Variants in SLC36A4 observed in about 807,000 individuals in gnomAD.
The protein encoded by SLC36A4 is solute carrier family 36 member 4.
A neutral mutation model predicts 50.5 loss-of-function variants in SLC36A4; 49 were observed. The observed-to-expected ratio is 0.97, with a 90% CI of 0.77 to 1.23. The LOEUF is 1.23. Ranked by LOEUF, SLC36A4 falls within the 50% of genes most tolerant of loss-of-function variation. SLC36A4 has a pLI of 0.00. For synonymous variants in SLC36A4, 207 were observed against 206.5 expected (o/e 1.00, Z -0.02); for missense variants, 611 against 608.4 (o/e 1.00, Z -0.05).
intron 8 of SLC36A4, among the ~76,000 whole-genome samples, chr11:93,164,389 G>A (rs1431952630): frequency 6.6e-6 from 1 of 152,142 alleles, no homozygotes; most frequent in African/African-American, 2.4e-5. Context: ...ATAAAATTAG[G>A]CCATACAGTC....
intron 2 of SLC36A4, 162 bp downstream of exon 2, chr11:93,185,529 T>G (rs907901666): frequency 7.0e-6 from 4 of 575,020 alleles, no homozygotes; most frequent in Non-Finnish European, 1.1e-5. Flanking sequence ...CTCTGTGATT[T>G]AAACGCATTT....
At chr11:93,151,950 T>G (rs1860107728) in intron 10 of SLC36A4, 1 of 152,044 alleles carries the variant, frequency 6.6e-6, no homozygotes, top group Admixed American at 6.6e-5. Context: ...CCCTCACTTG[T>G]GAGGTGCCTA....
chr11:93,194,480 G>C (rs10501803), intron 1 of SLC36A4, among the ~76,000 whole-genome samples: 19,320 of 152,144 alleles, frequency 0.13, 1,421 homozygotes, highest in Non-Finnish European at 0.16. Context: ...TATGGGATAT[G>C]AAATAAAGTG....
chr11:93,179,199 TAA>T (rs34301652), intron 6 of SLC36A4, among the ~76,000 whole-genome samples: 17,389 of 152,154 alleles, frequency 0.11, 1,260 homozygotes, highest in Non-Finnish European at 0.16. Flanking sequence ...GTCTGAGAAA[TAA>T]AGACATGAAA....
chr11:93,154,329 T>A lies in SLC36A4; in HGVS notation c.1038-52A>T, dbSNP rs546765758. ...GTCATTTTTAATGTGAATTTAGTTT[T>A]CCTCCTTTATTTTTAATATTAAGAT... is the stretch of plus-strand genomic sequence containing the variant. On this transcript the variant is annotated intron_variant, in intron 9 of 10. Transcript: ENST00000326402. 72 of 901,984 alleles carry A rather than the reference T, an allele frequency of 8.0e-5. 1 individual carries two copies. The South Asian group carries it at 2.0e-3, about 25-fold the overall frequency. The allele number at this position is 901,984 out of a possible 1,614,324, so 55.9% of individuals were successfully genotyped here. A position where few individuals can be genotyped will look rare whatever the true frequency, so the allele number is the denominator to read the frequency against.
At chr11:93,161,791 A>G (rs1448935415) in intron 9 of SLC36A4, among the ~76,000 whole-genome samples, 1 of 152,236 alleles carries the variant, frequency 6.6e-6, no homozygotes, top group Admixed American at 6.5e-5. Flanking sequence ...CTAAGGAGTT[A>G]CCTTCCATCT....
chr11:93,159,802 A>T (rs557981218), intron 9 of SLC36A4: 4 of 984,798 alleles, frequency 4.1e-6, no homozygotes, highest in Non-Finnish European at 4.8e-6. Flanking sequence ...TCTAATCCAT[A>T]CTTGCTTTAT....
intron 6 of SLC36A4, among the ~76,000 whole-genome samples, chr11:93,175,995 G>C (rs1174732297): frequency 1.5e-5 from 2 of 129,806 alleles, no homozygotes; most frequent in Non-Finnish European, 3.2e-5. Flanking sequence ...TCAATTCCTG[G>C]GTATCCTTGT....
At chr11:93,163,666 CATCATACTCTGTTTATTGAA>C in intron 8 of SLC36A4, among the ~76,000 whole-genome samples, 1 of 152,270 alleles carries the variant, frequency 6.6e-6, no homozygotes, top group South Asian at 2.1e-4. Context: ...TATTCCCTCT[CATCATACTCTGTTTATTGAA>C]AGCCAAGTCC....
intron 10 of SLC36A4, among the ~76,000 whole-genome samples, chr11:93,150,038 G>C (rs1341959489): frequency 6.6e-6 from 1 of 151,996 alleles, no homozygotes; most frequent in African/African-American, 2.4e-5. Context: ...TGCAAGTTCT[G>C]GTCTGGCGCT....
chr11:93,150,670 T>C (rs1372207148), intron 10 of SLC36A4, among the ~76,000 whole-genome samples: 1 of 152,098 alleles, frequency 6.6e-6, no homozygotes, highest in African/African-American at 2.4e-5. Flanking sequence ...ATAAAGTAGA[T>C]TATTCGTCTA....
chr11:93,168,735 C>T (rs1162300617), intron 6 of SLC36A4, among the ~76,000 whole-genome samples: 6 of 152,026 alleles, frequency 3.9e-5, no homozygotes, highest in South Asian at 2.1e-4. Flanking sequence ...AAATCCACTA[C>T]ATTCATGCAT....
At chr11:93,164,883 T>C (rs1032536416) in intron 8 of SLC36A4, among the ~76,000 whole-genome samples, 1 of 152,074 alleles carries the variant, frequency 6.6e-6, no homozygotes, top group African/African-American at 2.4e-5. Context: ...CAACTGAAGA[T>C]AAAACAGAAA....
Position 93,162,718 on chromosome 11 carries a change from G to A in SLC36A4, c.1025C>T (p.Pro342Leu). Residue 342 changes from proline to leucine, a missense_variant, in exon 9 of 11, where the codon CCC becomes CTC. Coordinates refer to ENST00000326402, the MANE Select transcript of SLC36A4 (RefSeq NM_152313.4). ...EIKGSITLNL[P>L]QDVWLYQSVK... ...CATATACACCTACCATACATCTTGG[G>A]GAAGATTTAAAGTTATGCTGCCTTT... is the stretch of plus-strand genomic sequence containing the variant. 2 of 1,608,208 alleles carry A rather than the reference G, an allele frequency of 1.2e-6. No individual in the cohort carries two copies. Among genetic ancestry groups the A allele is most frequent in the South Asian group, 1.1e-5 (1 of 90,188 alleles).
chr11:93,150,690 T>C (rs1860046492), intron 10 of SLC36A4, among the ~76,000 whole-genome samples: 1 of 152,054 alleles, frequency 6.6e-6, no homozygotes, highest in African/African-American at 2.4e-5. Context: ...AATAGATGCT[T>C]GTTACATATA....
At position 93,162,788 on chromosome 11, in the gene SLC36A4, C is replaced by T. The variant is rs746857365; in HGVS notation, c.955G>A (p.Val319Ile). Residue 319 changes from valine (V) to isoleucine (I), a missense_variant, in exon 9 of 11, where the codon GTA becomes ATA. Physicochemically the swap from Val to Ile is conservative, Grantham distance 29. Transcript: ENST00000326402. ...IGMGIVTTLY[V>I]TLATLGYMCF... ...ATATATCCTAAAGTAGCTAATGTTA[C>T]ATACAAAGTTGTAACAATCCCCATG... The T allele has an allele frequency of 6.2e-7, 1 of 1,613,600 alleles. No homozygotes were observed. The highest frequency in any genetic ancestry group is 8.5e-7 in the Non-Finnish European group (1 of 1,179,756).
chr11:93,176,359 G>C (rs1861470179), intron 6 of SLC36A4, among the ~76,000 whole-genome samples: 1 of 151,910 alleles, frequency 6.6e-6, no homozygotes, highest in African/African-American at 2.4e-5. Context: ...TGTGAGATGG[G>C]TTTCCTGAAT....
At chr11:93,197,669 G>A in intron 1 of SLC36A4, 109 bp downstream of exon 1, 3 of 1,196,030 alleles carry the variant, frequency 2.5e-6, no homozygotes, top group Non-Finnish European at 3.5e-6. Flanking sequence ...TAGCAATCGG[G>A]CCTCAACTCA....
chr11:93,189,682 A>C (rs1212916923), intron 1 of SLC36A4, among the ~76,000 whole-genome samples: 1 of 152,198 alleles, frequency 6.6e-6, no homozygotes, highest in Non-Finnish European at 1.5e-5. Context: ...TAAGCATACT[A>C]TCTGTCCTCA....
Sources: allele counts gnomAD v4.1 joint callset (sites outside exome capture counted in the v4.1 genomes callset), GRCh38; gene constraint gnomAD v4.1.1; transcripts MANE v1.5; gene names NCBI Gene and HGNC (gene_info 2026-07-23, HGNC 2026-07-21).